LRP1B: variants seen among roughly 807,000 people sequenced by gnomAD.
LRP1B encodes LDL receptor related protein 1B.
A neutral mutation model predicts 556.6 loss-of-function variants in LRP1B; 217 were observed. The ratio of observed to expected loss-of-function variants is 0.39; its 90% CI spans 0.35 to 0.44. The LOEUF is 0.44. Ranked by LOEUF, LRP1B falls within the 20% of genes least tolerant of loss-of-function variation. The probability of loss-of-function intolerance (pLI) is 1.00; values close to 1 mark genes in which losing one functional copy is unlikely to be tolerated. For missense variants in LRP1B, 5,053 were observed against 5,620.8 expected, an observed-to-expected ratio of 0.90 and a Z score of 3.23; for synonymous variants, 2,047 against 1,865.8, an observed-to-expected ratio of 1.10 and a Z score of -2.50.
Position 140,248,848 on chromosome 2 carries a change from A to T in LRP1B, c.13248-1686T>A, listed in dbSNP as rs1448401368. On this transcript the variant is annotated intron_variant, in intron 86 of 90. Coordinates refer to ENST00000389484, the MANE Select transcript of LRP1B (RefSeq NM_018557.3). ...ATGATTGTGAAATGCTTTTTGTGTT[A>T]TGTAGCTTTACATCTGCCAAATTTT... Among the ~76,000 whole-genome samples, 3 of 151,378 alleles carry T rather than the reference A, an allele frequency of 2.0e-5. No homozygotes were observed. The South Asian group carries it at 6.2e-4, about 31-fold the overall frequency.
chr2:141,707,486 A>G (rs1692187680), intron 2 of LRP1B, among the ~76,000 whole-genome samples: 1 of 152,128 alleles, frequency 6.6e-6, no homozygotes, highest in Admixed American at 6.6e-5. Context: ...GATGAATATT[A>G]GAAATCCTCT....
At chr2:140,266,706 T>C (rs2104937448) in intron 86 of LRP1B, among the ~76,000 whole-genome samples, 1 of 152,162 alleles carries the variant, frequency 6.6e-6, no homozygotes, top group South Asian at 2.1e-4. Context: ...CCTATAAAAC[T>C]ACAATATGTT....
intron 3 of LRP1B, among the ~76,000 whole-genome samples, chr2:141,360,837 T>C (rs1034382839): frequency 2.6e-5 from 4 of 152,206 alleles, no homozygotes; most frequent in Non-Finnish European, 5.9e-5. Context: ...AAACATCAGG[T>C]AAACCCAAAT....
chr2:141,850,726 T>C (rs903066730), intron 1 of LRP1B, among the ~76,000 whole-genome samples: 5 of 150,578 alleles, frequency 3.3e-5, no homozygotes, highest in Admixed American at 2.0e-4. Context: ...GGAAAATAGG[T>C]TAACCAGCAA....
At chr2:141,721,781 G>GA (rs1276253427) in intron 2 of LRP1B, among the ~76,000 whole-genome samples, 1 of 152,072 alleles carries the variant, frequency 6.6e-6, no homozygotes, top group African/African-American at 2.4e-5. Flanking sequence ...AGAAAATTGT[G>GA]AAAAATTATT....
At chr2:141,307,015 G>A (rs1016870798) in intron 3 of LRP1B, among the ~76,000 whole-genome samples, 4 of 152,046 alleles carry the variant, frequency 2.6e-5, no homozygotes, top group Admixed American at 2.6e-4. Flanking sequence ...CTTCTTTTGT[G>A]TTTCAAAATA....
At chr2:142,084,042 C>A (rs148408095) in intron 1 of LRP1B, among the ~76,000 whole-genome samples, 1 of 149,162 alleles carries the variant, frequency 6.7e-6, no homozygotes. Context: ...TGCAGTGGTG[C>A]GATCTTGGCT....
chr2:141,695,515 T>A (rs1287629236), intron 2 of LRP1B, among the ~76,000 whole-genome samples: 6 of 151,990 alleles, frequency 3.9e-5, no homozygotes, highest in Admixed American at 3.9e-4. Context: ...ACTTTGAAGA[T>A]GAGGAAGGCT....
intron 29 of LRP1B, among the ~76,000 whole-genome samples, chr2:140,846,355 C>A (rs2105109364): frequency 6.6e-6 from 1 of 152,202 alleles, no homozygotes; most frequent in East Asian, 1.9e-4. Context: ...CAAACTATTT[C>A]TACCTCCCCT....
intron 85 of LRP1B, among the ~76,000 whole-genome samples, chr2:140,272,889 T>C (rs995110568): frequency 3.9e-5 from 6 of 151,990 alleles, no homozygotes; most frequent in African/African-American, 2.4e-5. Context: ...CATTTTTATA[T>C]ATACATTTCC....
chr2:141,260,944 A>G (rs781023900), intron 3 of LRP1B, among the ~76,000 whole-genome samples: 1 of 152,144 alleles, frequency 6.6e-6, no homozygotes, highest in African/African-American at 2.4e-5. Context: ...TTATCCAACA[A>G]CTAGAACCAT....
intron 82 of LRP1B, among the ~76,000 whole-genome samples, chr2:140,320,471 G>C (rs185669119): frequency 1.3e-5 from 2 of 152,092 alleles, no homozygotes; most frequent in Non-Finnish European, 2.9e-5. Context: ...CAGAGTCCAC[G>C]TGAGGAGTGC....
intron 35 of LRP1B, among the ~76,000 whole-genome samples, chr2:140,735,446 G>A (rs1687915212): frequency 6.6e-6 from 1 of 152,150 alleles, no homozygotes; most frequent in African/African-American, 2.4e-5. Flanking sequence ...TAGAAAAATG[G>A]ACACAGCTGA....
At chr2:141,833,074 T>G (rs1252207429) in intron 1 of LRP1B, among the ~76,000 whole-genome samples, 3 of 151,808 alleles carry the variant, frequency 2.0e-5, no homozygotes, top group South Asian at 2.1e-4. Context: ...CAAGGAATAT[T>G]GTACTAAGAT....
rs1687679737 is a variant in LRP1B at position 140,728,772 on chromosome 2, A to G, written c.5759-11956T>C. On this transcript the variant is annotated intron_variant, in intron 35 of 90. Coordinates refer to ENST00000389484, the MANE Select transcript of LRP1B (RefSeq NM_018557.3). ...TAGCATAATGACTAAAGCCTTAGAT[A>G]TTGAGTTCTGGTATCTTGAGTTAAA... Among the ~76,000 whole-genome samples, 3 of 152,256 alleles carry G rather than the reference A, an allele frequency of 2.0e-5. No individual in the cohort carries two copies. In the South Asian group the frequency reaches 6.2e-4, roughly 32 times the overall value.
At chr2:141,401,814 A>T (rs1057138623) in intron 3 of LRP1B, among the ~76,000 whole-genome samples, 1 of 152,188 alleles carries the variant, frequency 6.6e-6, no homozygotes, top group Non-Finnish European at 1.5e-5. Flanking sequence ...ACCATATGTT[A>T]CAAGGACTGC....
chr2:140,975,747 A>G (rs929325516), intron 18 of LRP1B, among the ~76,000 whole-genome samples: 1 of 152,172 alleles, frequency 6.6e-6, no homozygotes, highest in African/African-American at 2.4e-5. Flanking sequence ...ATATGGTTAC[A>G]CACATATGCA....
intron 12 of LRP1B, among the ~76,000 whole-genome samples, chr2:141,017,957 TACC>T (rs916881884): frequency 6.7e-6 from 1 of 148,474 alleles, no homozygotes; most frequent in Non-Finnish European, 1.5e-5. Flanking sequence ...GCCAAGATCA[TACC>T]ACTGCACTCC....
intron 2 of LRP1B, among the ~76,000 whole-genome samples, chr2:141,780,364 G>A (rs1269746760): frequency 2.0e-5 from 3 of 151,970 alleles, no homozygotes; most frequent in African/African-American, 7.3e-5. Context: ...GGATGGGTGG[G>A]AGAGCTATTT....
Sources: allele counts gnomAD v4.1 joint callset (sites outside exome capture counted in the v4.1 genomes callset), GRCh38; gene constraint gnomAD v4.1.1; transcripts MANE v1.5; gene names NCBI Gene and HGNC (gene_info 2026-07-23, HGNC 2026-07-21).